The following ACKR3 variants were observed in gnomAD, a reference collection of about 807,000 sequenced individuals.
ACKR3 encodes the protein atypical chemokine receptor 3.
Under a neutral mutation model 22.4 loss-of-function variants are expected in ACKR3, and 6 were observed. The ratio of observed to expected loss-of-function variants is 0.27; its 90% confidence interval spans 0.15 to 0.53. ACKR3 has a LOEUF of 0.53. Ranked by LOEUF, ACKR3 falls within the 20% of genes least tolerant of loss-of-function variation. ACKR3 has a pLI of 0.96. For missense variants in ACKR3, 396 were observed against 475.2 expected, an observed-to-expected ratio of 0.83 and a Z score of 1.55; for synonymous variants, 209 against 205.2, an observed-to-expected ratio of 1.02 and a Z score of -0.16.
the ACKR3 span, among the ~76,000 whole-genome samples, chr2:236,538,587 G>T: frequency 6.6e-6 from 1 of 152,184 alleles, no homozygotes; most frequent in East Asian, 1.9e-4. Context: ...GGCAGAGCTT[G>T]CTTTCTGTCT....
At chr2:236,556,636 A>C in the ACKR3 span, among the ~76,000 whole-genome samples, 1 of 152,248 alleles carries the variant, frequency 6.6e-6, no homozygotes, top group Non-Finnish European at 1.5e-5. Context: ...CCCTGCTGGC[A>C]CATTGATCTC....
chr2:236,572,242 T>G (rs1451626177), intron 1 of ACKR3, among the ~76,000 whole-genome samples: 2 of 152,194 alleles, frequency 1.3e-5, no homozygotes, highest in Non-Finnish European at 2.9e-5. Context: ...CACTATTGCT[T>G]CAATATTAAA....
At chr2:236,544,489 G>C in the ACKR3 span, among the ~76,000 whole-genome samples, 1 of 152,320 alleles carries the variant, frequency 6.6e-6, no homozygotes, top group East Asian at 1.9e-4. The surrounding 1 kb of genome is among the most constrained non-coding windows in gnomAD (Gnocchi z 5.0). Flanking sequence ...CTGGAGGCAG[G>C]GAGACCAGTG....
chr2:236,567,413 G>A (rs1277504329), upstream of ACKR3, among the ~76,000 whole-genome samples: 2 of 152,216 alleles, frequency 1.3e-5, no homozygotes, highest in Non-Finnish European at 2.9e-5. Flanking sequence ...GACCCCTAGA[G>A]GATGGAGGTG....
the ACKR3 span, among the ~76,000 whole-genome samples, chr2:236,547,224 A>G: frequency 1.3e-5 from 2 of 152,324 alleles, no homozygotes; most frequent in African/African-American, 4.8e-5. Context: ...CTCTTTATAG[A>G]GAGCTAATGA....
intron 1 of ACKR3, among the ~76,000 whole-genome samples, chr2:236,572,504 C>T (rs1691330509): frequency 6.6e-6 from 1 of 152,198 alleles, no homozygotes; most frequent in African/African-American, 2.4e-5. Context: ...AGATATGTGG[C>T]CATCCTCCCT....
intron 1 of ACKR3, among the ~76,000 whole-genome samples, chr2:236,579,429 G>A (rs1033790153): frequency 6.6e-6 from 1 of 152,158 alleles, no homozygotes; most frequent in African/African-American, 2.4e-5. Context: ...AGGGATTTCA[G>A]GGCCTTCCCA....
At chr2:236,552,843 C>T in the ACKR3 span, among the ~76,000 whole-genome samples, 1 of 152,152 alleles carries the variant, frequency 6.6e-6, no homozygotes, top group Admixed American at 6.5e-5. Flanking sequence ...TCACGCTGGC[C>T]ACTTGTACGG....
chr2:236,566,718 C>CCCTTCATTCCTT (rs1691187458), upstream of ACKR3, among the ~76,000 whole-genome samples: 1 of 114,490 alleles, frequency 8.7e-6, no homozygotes, highest in East Asian at 2.6e-4. Flanking sequence ...TCCTTTCCTT[C>CCCTTCATTCCTT]CCTTCCTTCC....
At chr2:236,544,440 C>T in the ACKR3 span, among the ~76,000 whole-genome samples, 57 of 152,300 alleles carry the variant, frequency 3.7e-4, 1 homozygote, top group Middle Eastern at 3.4e-3. The surrounding 1 kb of genome is among the most constrained non-coding windows in gnomAD (Gnocchi z 5.0). Context: ...TGATCAGTGG[C>T]TTCCTGTCGG....
chr2:236,555,712 G>C, the ACKR3 span, among the ~76,000 whole-genome samples: 1 of 151,812 alleles, frequency 6.6e-6, no homozygotes, highest in Non-Finnish European at 1.5e-5. Context: ...CCTCCATGTG[G>C]TTACATGAGC....
chr2:236,581,727 C>T lies in ACKR3; in HGVS notation c.*173C>T. On this transcript the variant is annotated 3_prime_UTR_variant, in exon 2 of 2. Transcript: ENST00000272928. This position sits in a 1 kb window ranked among gnomAD's most constrained non-coding sequence, Gnocchi z 4.4. ...CTCTTTCTCTTGATGACGCAGCTGT[C>T]ATTTGGCTGTGCGTGCTGACAGTTT... 1 of 868,390 alleles carries T rather than the reference C, an allele frequency of 1.2e-6. No homozygotes were observed. Among genetic ancestry groups the T allele is most frequent in the South Asian group, 2.0e-5 (1 of 49,996 alleles). The allele number at this position is 868,390 out of a possible 1,614,324, so 53.8% of individuals were successfully genotyped here. A position where few individuals can be genotyped will look rare whatever the true frequency, so the allele number is the denominator to read the frequency against.
chr2:236,565,845 C>A (rs548540916), upstream of ACKR3, among the ~76,000 whole-genome samples: 12 of 152,296 alleles, frequency 7.9e-5, no homozygotes, highest in African/African-American at 2.9e-4. Context: ...CGTTGCCCTG[C>A]AGAAGGGGCT....
chr2:236,571,348 A>G (rs1691304632), intron 1 of ACKR3, among the ~76,000 whole-genome samples: 1 of 152,164 alleles, frequency 6.6e-6, no homozygotes, highest in African/African-American at 2.4e-5. Context: ...GGGAGGGGAA[A>G]GCTGCCCAGG....
the ACKR3 span, among the ~76,000 whole-genome samples, chr2:236,537,562 A>G: frequency 1.3e-5 from 2 of 152,244 alleles, no homozygotes; most frequent in South Asian, 2.1e-4. Context: ...CCACCCTGGC[A>G]TAAATGCAAG....
the ACKR3 span, among the ~76,000 whole-genome samples, chr2:236,552,182 G>T: frequency 6.6e-6 from 1 of 152,134 alleles, no homozygotes; most frequent in African/African-American, 2.4e-5. Context: ...ATGGAAATGT[G>T]CATTGTGAGC....
At chr2:236,547,838 ATT>A in the ACKR3 span, among the ~76,000 whole-genome samples, 6 of 139,686 alleles carry the variant, frequency 4.3e-5, no homozygotes, top group East Asian at 4.2e-4. Context: ...TCTTTCATTC[ATT>A]TTTTTTTTTT....
At chr2:236,576,736 C>T (rs1331420524) in intron 1 of ACKR3, among the ~76,000 whole-genome samples, 1 of 152,226 alleles carries the variant, frequency 6.6e-6, no homozygotes, top group Non-Finnish European at 1.5e-5. Flanking sequence ...TTCCATGTTA[C>T]ACGGCAGTTC....
At chr2:236,537,846 A>G in the ACKR3 span, among the ~76,000 whole-genome samples, 1 of 152,192 alleles carries the variant, frequency 6.6e-6, no homozygotes, top group South Asian at 2.1e-4. Flanking sequence ...TTCTTATCAA[A>G]TTCAGTTTTC....
Sources: gnomAD v4.1 joint callset for allele counts (sites outside exome capture counted in the v4.1 genomes callset) on GRCh38, gnomAD v4.1.1 for gene constraint, Gnocchi (gnomAD v3.1) non-coding constraint, MANE v1.5 for transcripts, NCBI Gene and HGNC (gene_info 2026-07-23, HGNC 2026-07-21) for gene names.